MUSK: variants seen among roughly 807,000 people sequenced by gnomAD.
The protein encoded by MUSK is muscle associated receptor tyrosine kinase, also known as muscle, skeletal receptor tyrosine-protein kinase.
Under a neutral mutation model 88.7 loss-of-function variants are expected in MUSK, and 55 were observed. That is an observed-to-expected ratio of 0.62 (90% CI 0.50 to 0.78). MUSK has a LOEUF of 0.78. Among genes scored for constraint, MUSK ranks in the 30% least tolerant of loss-of-function variants. The probability of loss-of-function intolerance (pLI) is 0.00; values close to 1 mark genes in which losing one functional copy is unlikely to be tolerated. For missense variants in MUSK, 1,015 were observed against 1,074.3 expected, an observed-to-expected ratio of 0.94 and a Z score of 0.77; for synonymous variants, 387 against 391.9, an observed-to-expected ratio of 0.99 and a Z score of 0.15.
chr9:110,755,981 T>G (rs1359348193), intron 7 of MUSK, among the ~76,000 whole-genome samples: 1 of 108,116 alleles, frequency 9.2e-6, no homozygotes, highest in Non-Finnish European at 2.0e-5. Context: ...TATATATACA[T>G]ATATATATAT....
chr9:110,751,352 T>G (rs539905441), intron 7 of MUSK, among the ~76,000 whole-genome samples: 303 of 152,226 alleles, frequency 2.0e-3, no homozygotes, highest in South Asian at 6.8e-3. Context: ...GAAGGCCATG[T>G]CCTAGGGTGT....
chr9:110,669,347 G>T lies in MUSK; in HGVS notation c.79+364G>T, dbSNP rs1342637768. On this transcript the variant is annotated intron_variant, in intron 1 of 14. Coordinates refer to ENST00000374448, the MANE Select transcript of MUSK (RefSeq NM_005592.4). ...ATGACAACCTTTTCGCATCAGGTTT[G>T]CCAGGAATAGAATCAACCCCATTCT... 7.9e-5 allele frequency among the ~76,000 whole-genome samples: 12 copies of T among 152,276 alleles called. No homozygotes were observed. The East Asian group carries it at 2.1e-3, about 27-fold the overall frequency.
At chr9:110,744,836 C>A (rs1233386971) in intron 6 of MUSK, among the ~76,000 whole-genome samples, 1 of 152,124 alleles carries the variant, frequency 6.6e-6, no homozygotes, top group Non-Finnish European at 1.5e-5. Flanking sequence ...ACGTAGTCAC[C>A]TCAATTAAGT....
chr9:110,747,837 A>AG, intron 7 of MUSK, 37 bp downstream of exon 7: 1 of 1,604,628 alleles, frequency 6.2e-7, no homozygotes, highest in South Asian at 1.1e-5. Flanking sequence ...GTTCCAGGAG[A>AG]GGGGAGAGTT....
At chr9:110,770,327 ATAAT>A (rs930951644) in intron 9 of MUSK, among the ~76,000 whole-genome samples, 27 of 74,286 alleles carry the variant, frequency 3.6e-4, no homozygotes, top group South Asian at 1.7e-3. Context: ...ATTATCAATA[ATAAT>A]TAATAATTAT....
At chr9:110,699,320 T>A (rs2076472109) in intron 5 of MUSK, among the ~76,000 whole-genome samples, 1 of 152,170 alleles carries the variant, frequency 6.6e-6, no homozygotes, top group African/African-American at 2.4e-5. Context: ...TAACTGTAGG[T>A]AAGATGATTT....
chr9:110,788,572 C>T (rs1479986184), intron 14 of MUSK, among the ~76,000 whole-genome samples: 1 of 151,356 alleles, frequency 6.6e-6, no homozygotes. Flanking sequence ...GCAGAGGTTG[C>T]AGTAAGCCAA....
intron 3 of MUSK, among the ~76,000 whole-genome samples, chr9:110,689,767 ATATCACATATAG>A (rs2076282548): frequency 2.7e-5 from 2 of 74,038 alleles, no homozygotes; most frequent in Non-Finnish European, 4.6e-5. Flanking sequence ...TAAACTATAT[ATATCACATATAG>A]TTTATATATT....
chr9:110,693,110 C>A (rs537994526), intron 3 of MUSK, among the ~76,000 whole-genome samples: 2 of 152,232 alleles, frequency 1.3e-5, no homozygotes, highest in East Asian at 3.9e-4. Flanking sequence ...AGTTGGAATG[C>A]TCTCATTTGC....
At chr9:110,684,629 T>A (rs770809450) in intron 2 of MUSK, among the ~76,000 whole-genome samples, 14 of 152,070 alleles carry the variant, frequency 9.2e-5, no homozygotes, top group Non-Finnish European at 1.6e-4. Context: ...ATTTTTCCAT[T>A]TTTTTGGTGT....
intron 5 of MUSK, among the ~76,000 whole-genome samples, chr9:110,717,705 A>T (rs538288009): frequency 6.7e-6 from 1 of 149,534 alleles, no homozygotes; most frequent in African/African-American, 2.5e-5. Context: ...TACCCTGATC[A>T]TTCAGGTGAA....
intron 14 of MUSK, among the ~76,000 whole-genome samples, chr9:110,797,569 T>C (rs1244589707): frequency 6.6e-6 from 1 of 152,192 alleles, no homozygotes; most frequent in Non-Finnish European, 1.5e-5. Flanking sequence ...AGAATTTCTA[T>C]AGTAGTATCT....
chr9:110,691,123 C>T (rs2076350838), intron 3 of MUSK, among the ~76,000 whole-genome samples: 1 of 151,950 alleles, frequency 6.6e-6, no homozygotes, highest in East Asian at 1.9e-4. Context: ...CTTTGGCCTC[C>T]CAAAGTTCTG....
chr9:110,721,151 C>T (rs7865062), intron 5 of MUSK, among the ~76,000 whole-genome samples: 126,713 of 151,972 alleles, frequency 0.83, 53,280 homozygotes, highest in East Asian at 0.93. Flanking sequence ...TGGGGAAAAG[C>T]TGAAAGTGTT....
At chr9:110,772,460 A>AT (rs1212373302) in intron 9 of MUSK, among the ~76,000 whole-genome samples, 1 of 151,814 alleles carries the variant, frequency 6.6e-6, no homozygotes, top group Non-Finnish European at 1.5e-5. Flanking sequence ...GGAAAATGTT[A>AT]TTTTTTAAAA....
intron 5 of MUSK, among the ~76,000 whole-genome samples, chr9:110,711,201 A>G (rs2076665396): frequency 6.6e-6 from 1 of 152,192 alleles, no homozygotes; most frequent in South Asian, 2.1e-4. Context: ...ATGTATACAT[A>G]TGTAACAAAC....
chr9:110,701,640 C>T (rs1231432076), intron 5 of MUSK, among the ~76,000 whole-genome samples: 1 of 136,156 alleles, frequency 7.3e-6, no homozygotes, highest in African/African-American at 2.8e-5. Context: ...GTGTGCACTA[C>T]TGTGCTCAGC....
intron 5 of MUSK, among the ~76,000 whole-genome samples, chr9:110,704,110 C>G (rs2076565829): frequency 6.6e-6 from 1 of 152,150 alleles, no homozygotes; most frequent in Non-Finnish European, 1.5e-5. Flanking sequence ...AAAAATCAAA[C>G]TTTAAAATGT....
At chr9:110,740,675 C>T (rs1461300939) in intron 6 of MUSK, among the ~76,000 whole-genome samples, 9 of 152,030 alleles carry the variant, frequency 5.9e-5, no homozygotes, top group East Asian at 1.9e-4. Context: ...AAGCATTTCG[C>T]GGCATGAAAG....
Sources: allele counts gnomAD v4.1 joint callset (sites outside exome capture counted in the v4.1 genomes callset), GRCh38; gene constraint gnomAD v4.1.1; transcripts MANE v1.5; gene names NCBI Gene and HGNC (gene_info 2026-07-23, HGNC 2026-07-21).